SYNE2: variants seen among roughly 807,000 people sequenced by gnomAD.
The protein encoded by SYNE2 is spectrin repeat containing nuclear envelope protein 2.
In SYNE2, 431 loss-of-function variants were observed where a neutral mutation model predicts 856.3. The ratio of observed to expected loss-of-function variants is 0.50; its 90% confidence interval spans 0.47 to 0.55. The LOEUF (loss-of-function observed/expected upper bound fraction) is 0.55. Ranked by LOEUF, SYNE2 falls within the 20% of genes least tolerant of loss-of-function variation. SYNE2 has a pLI of 0.00. For synonymous variants in SYNE2, 2,923 were observed against 2,872.3 expected, an observed-to-expected ratio of 1.02 and a Z score of -0.56; for missense variants, 8,129 against 8,023.2, an observed-to-expected ratio of 1.01 and a Z score of -0.50.
At chr14:64,038,238 C>G (rs1358513597) in intron 45 of SYNE2, among the ~76,000 whole-genome samples, 1 of 151,914 alleles carries the variant, frequency 6.6e-6, no homozygotes, top group Non-Finnish European at 1.5e-5. Context: ...ACTTCCTAGA[C>G]AGGATGGCGG....
At chr14:63,984,782 T>C (rs754074629) in intron 18 of SYNE2, among the ~76,000 whole-genome samples, 35 of 152,256 alleles carry the variant, frequency 2.3e-4, no homozygotes, top group Non-Finnish European at 3.8e-4. Context: ...ATTTTCCTAC[T>C]GTAAGAATAC....
chr14:64,060,373 C>T (rs556021179), intron 49 of SYNE2, among the ~76,000 whole-genome samples: 1 of 151,642 alleles, frequency 6.6e-6, no homozygotes, highest in Admixed American at 6.6e-5. Context: ...ATGAATCCTG[C>T]CAGGGCTGGG....
chr14:64,119,702 A>G, intron 67 of SYNE2, 93 bp downstream of exon 67: 1 of 1,300,750 alleles, frequency 7.7e-7, no homozygotes, highest in South Asian at 1.3e-5. Context: ...TGAACCAGCT[A>G]CAGAGAAACT....
chr14:64,080,431 G>C, intron 55 of SYNE2, 25 bp from the exon 56 acceptor site: 1 of 1,613,472 alleles, frequency 6.2e-7, no homozygotes, highest in Non-Finnish European at 8.5e-7. Context: ...CTTCATTCAA[G>C]TTGACTTACG....
chr14:64,048,360 A>G (rs2097200730), intron 46 of SYNE2: 2 of 403,372 alleles, frequency 5.0e-6, no homozygotes, highest in Non-Finnish European at 8.8e-6. Flanking sequence ...TTAAAGGGAC[A>G]TTAGTCTTCT....
In SYNE2 at chr14:64,010,130, C is replaced by A. The variant is rs775479033; in HGVS notation, c.4728+14C>A. Reference sequence around the variant, plus strand: ...AGGATAGCAGAGGTGAGTCCAGGTTCCATTAGAAAAAACTGCCCAGTGACC... The same window carrying A: ...AGGATAGCAGAGGTGAGTCCAGGTTACATTAGAAAAAACTGCCCAGTGACC... On this transcript the variant is annotated intron_variant, in intron 32 of 115. Coordinates refer to ENST00000555002, the MANE Select transcript of SYNE2 (RefSeq NM_182914.3). 1 of 1,606,166 alleles carries A rather than the reference C, an allele frequency of 6.2e-7. No homozygotes were observed. Among genetic ancestry groups the A allele is most frequent in the South Asian group, 1.1e-5 (1 of 89,924 alleles).
chr14:64,207,230 T>C (rs1158707992), intron 100 of SYNE2, among the ~76,000 whole-genome samples: 3 of 152,222 alleles, frequency 2.0e-5, no homozygotes, highest in East Asian at 3.8e-4. Flanking sequence ...TATTTTCTTA[T>C]ATCAACCTAA....
intron 1 of SYNE2, among the ~76,000 whole-genome samples, chr14:63,840,666 C>T (rs567248062): frequency 1.3e-5 from 2 of 152,224 alleles, no homozygotes; most frequent in South Asian, 2.1e-4. Flanking sequence ...TTCTGTTCAT[C>T]GCCATTACAT....
At chr14:63,767,100 AT>A (rs1279904996) in intron 1 of SYNE2, among the ~76,000 whole-genome samples, 1 of 148,562 alleles carries the variant, frequency 6.7e-6, no homozygotes, top group South Asian at 2.1e-4. Context: ...ACAATCTTTT[AT>A]TTTTTTTATC....
intron 23 of SYNE2, 150 bp downstream of exon 23, chr14:63,995,352 C>G: frequency 4.9e-6 from 3 of 614,080 alleles, no homozygotes; most frequent in South Asian, 3.8e-5. Flanking sequence ...GCTTCACACT[C>G]GCAGCAGAGC....
chr14:64,166,928 A>G (rs1448776711), intron 90 of SYNE2: 5 of 376,644 alleles, frequency 1.3e-5, no homozygotes, highest in Non-Finnish European at 2.5e-5. Context: ...ATGAGACTCC[A>G]TTCCGAAAAA....
intron 1 of SYNE2, among the ~76,000 whole-genome samples, chr14:63,830,840 C>CT (rs11427202): frequency 0.61 from 66,572 of 108,818 alleles, 21,493 homozygotes; most frequent in South Asian, 0.78. Context: ...TGATCCCATT[C>CT]TTTTTTTTTT....
chr14:63,847,751 A>C (rs547414886), intron 1 of SYNE2, among the ~76,000 whole-genome samples: 43 of 150,746 alleles, frequency 2.9e-4, no homozygotes, highest in Non-Finnish European at 5.9e-4. Flanking sequence ...ACACCTGGCT[A>C]ATTTTTGTAT....
chr14:64,015,184 T>A (rs926522079), intron 32 of SYNE2, among the ~76,000 whole-genome samples: 3 of 151,188 alleles, frequency 2.0e-5, no homozygotes, highest in Non-Finnish European at 4.4e-5. Flanking sequence ...GTTTCTTTTT[T>A]GGTACTGTAA....
chr14:64,085,067 G>C (rs1334623940), intron 57 of SYNE2: 2 of 691,332 alleles, frequency 2.9e-6, no homozygotes, highest in Non-Finnish European at 5.2e-6. Flanking sequence ...CAAGACAGAA[G>C]CCACATTTTT....
At chr14:64,106,011 A>C (rs571803495) in intron 64 of SYNE2, among the ~76,000 whole-genome samples, 2 of 151,516 alleles carry the variant, frequency 1.3e-5, no homozygotes, top group East Asian at 3.9e-4. Context: ...AGATTGCACC[A>C]CTGCACCACA....
chr14:64,220,049 T>TAA (rs1487539732), intron 110 of SYNE2, among the ~76,000 whole-genome samples: 103 of 152,360 alleles, frequency 6.8e-4, no homozygotes, highest in African/African-American at 2.4e-3. Context: ...ACTATCTGTG[T>TAA]TAATATATTA....
At chr14:63,964,547 G>A (rs923555113) in intron 10 of SYNE2, among the ~76,000 whole-genome samples, 4 of 151,348 alleles carry the variant, frequency 2.6e-5, no homozygotes, top group Admixed American at 6.6e-5. Context: ...TTTTCGAGAC[G>A]GAGTTTTGCT....
intron 63 of SYNE2, 148 bp downstream of exon 63, chr14:64,098,969 T>C: frequency 2.6e-6 from 2 of 780,682 alleles, no homozygotes; most frequent in Non-Finnish European, 4.3e-6. Context: ...TTCTCTTATG[T>C]TATTAATGTT....
Sources: allele counts gnomAD v4.1 joint callset (sites outside exome capture counted in the v4.1 genomes callset), GRCh38; gene constraint gnomAD v4.1.1; transcripts MANE v1.5; gene names NCBI Gene and HGNC (gene_info 2026-07-23, HGNC 2026-07-21).